The following GPC5 variants were observed in gnomAD, a reference collection of about 807,000 sequenced individuals.
GPC5 encodes the protein glypican 5.
In GPC5, 47 loss-of-function variants were observed where a neutral mutation model predicts 53.9. The ratio of observed to expected loss-of-function variants is 0.87; its 90% CI spans 0.69 to 1.11. The LOEUF is 1.11. GPC5 is among the 50% of genes most tolerant of loss of function. The pLI is 0.00. For missense variants in GPC5, 748 were observed against 713.1 expected (o/e 1.05, Z -0.56); for synonymous variants, 286 against 263.3 (o/e 1.09, Z -0.84).
At position 91,614,351 on chromosome 13, in the gene GPC5, A is replaced by G. The variant is rs2033638955; in HGVS notation, c.326-78836A>G. On this transcript the variant is annotated intron_variant, in intron 2 of 7. Coordinates refer to ENST00000377067, the MANE Select transcript of GPC5 (RefSeq NM_004466.6). ...CAATTTCCTTTTTTATTTTTGAGAC[A>G]AGGTCTCACTCTGTCACCCAGGCTG... is the stretch of plus-strand genomic sequence containing the variant. Among the ~76,000 whole-genome samples the G allele has an allele frequency of 4.6e-5, 7 of 152,094 alleles. No individual in the cohort carries two copies. In the South Asian group the frequency reaches 1.5e-3, roughly 32 times the overall value.
chr13:92,446,748 A>G (rs1009448709), intron 7 of GPC5: 1 of 152,152 alleles, frequency 6.6e-6, no homozygotes, highest in Non-Finnish European at 1.5e-5. Flanking sequence ...ATTCCCACCA[A>G]CAGTGTATGA....
intron 7 of GPC5, among the ~76,000 whole-genome samples, chr13:92,862,163 A>C (rs1216185476): frequency 6.6e-6 from 1 of 152,206 alleles, no homozygotes; most frequent in African/African-American, 2.4e-5. Context: ...CCTTGAGTAA[A>C]TTACTTCTTC....
intron 6 of GPC5, among the ~76,000 whole-genome samples, chr13:92,020,873 T>C (rs2040752149): frequency 6.6e-6 from 1 of 152,152 alleles, no homozygotes; most frequent in African/African-American, 2.4e-5. Context: ...TTCTGTTGCC[T>C]ATGTTTTTGG....
intron 7 of GPC5, among the ~76,000 whole-genome samples, chr13:92,163,370 A>G (rs1159004701): frequency 2.0e-5 from 3 of 150,396 alleles, no homozygotes; most frequent in East Asian, 3.9e-4. Flanking sequence ...CTGATGCAGG[A>G]GAATAGCTTG....
intron 5 of GPC5, among the ~76,000 whole-genome samples, chr13:91,762,621 C>A (rs2037438527): frequency 6.6e-6 from 1 of 150,558 alleles, no homozygotes. Context: ...TCTACCTATC[C>A]AATCAGTTTC....
At chr13:92,374,453 C>A (rs1408614177) in intron 7 of GPC5, among the ~76,000 whole-genome samples, 1 of 152,022 alleles carries the variant, frequency 6.6e-6, no homozygotes, top group South Asian at 2.1e-4. Flanking sequence ...TATATATGCA[C>A]AATTGGCTCT....
At chr13:92,762,672 A>G (rs1265286396) in intron 7 of GPC5, among the ~76,000 whole-genome samples, 2 of 152,076 alleles carry the variant, frequency 1.3e-5, no homozygotes, top group African/African-American at 4.8e-5. Context: ...TTCTTTTTCC[A>G]TCTTTGTCTC....
At chr13:92,156,377 G>A (rs1201319973) in intron 7 of GPC5, among the ~76,000 whole-genome samples, 1 of 152,136 alleles carries the variant, frequency 6.6e-6, no homozygotes, top group African/African-American at 2.4e-5. Flanking sequence ...AATGTTCACA[G>A]TTCTCTGCTG....
chr13:91,964,651 A>G (rs1266060266), intron 6 of GPC5, among the ~76,000 whole-genome samples: 1 of 152,148 alleles, frequency 6.6e-6, no homozygotes, highest in Non-Finnish European at 1.5e-5. Context: ...TTAGCTAGAC[A>G]GAAAAGTTCT....
intron 7 of GPC5, chr13:92,701,578 A>G (rs965921515): frequency 3.3e-5 from 5 of 152,144 alleles, no homozygotes; most frequent in Admixed American, 2.0e-4. Flanking sequence ...GAGTGTATCA[A>G]TCCAGCTGCA....
intron 2 of GPC5, among the ~76,000 whole-genome samples, chr13:91,592,565 C>G (rs548659324): frequency 1.9e-4 from 29 of 152,286 alleles, no homozygotes; most frequent in African/African-American, 6.0e-4. Context: ...CATCTCACCC[C>G]CTTCATGCTC....
intron 7 of GPC5, among the ~76,000 whole-genome samples, chr13:92,587,337 G>A (rs1263346626): frequency 2.0e-5 from 3 of 152,072 alleles, no homozygotes. Flanking sequence ...AAGCTCTGGA[G>A]GTACATGGGA....
intron 7 of GPC5, among the ~76,000 whole-genome samples, chr13:92,857,598 T>C (rs1879042724): frequency 6.6e-6 from 1 of 151,972 alleles, no homozygotes; most frequent in Admixed American, 6.6e-5. Context: ...CCAGAGTCTA[T>C]AAGGAAGTTA....
intron 2 of GPC5, among the ~76,000 whole-genome samples, chr13:91,563,197 T>G (rs2031362381): frequency 6.6e-6 from 1 of 152,156 alleles, no homozygotes; most frequent in Non-Finnish European, 1.5e-5. Context: ...ATATATAATT[T>G]ATTCATGGAG....
intron 7 of GPC5, among the ~76,000 whole-genome samples, chr13:92,724,670 C>T (rs921110995): frequency 1.3e-5 from 2 of 151,396 alleles, no homozygotes; most frequent in African/African-American, 2.4e-5. Context: ...AATTGTCAAA[C>T]TCATAGAAGC....
At chr13:92,458,629 GGAAAAAGAGAGGGA>G (rs920960868) in intron 7 of GPC5, among the ~76,000 whole-genome samples, 1 of 151,798 alleles carries the variant, frequency 6.6e-6, no homozygotes, top group Non-Finnish European at 1.5e-5. Context: ...AGAAAGGGAG[GGAAAAAGAGAGGGA>G]GAAAAAGAGA....
At chr13:92,218,543 T>C (rs1218161598) in intron 7 of GPC5, among the ~76,000 whole-genome samples, 3 of 152,190 alleles carry the variant, frequency 2.0e-5, no homozygotes, top group Non-Finnish European at 2.9e-5. Flanking sequence ...ACCTCCTCTT[T>C]CACCCAGTTC....
At chr13:91,630,975 T>C (rs2034143733) in intron 2 of GPC5, among the ~76,000 whole-genome samples, 1 of 152,168 alleles carries the variant, frequency 6.6e-6, no homozygotes, top group Admixed American at 6.6e-5. Context: ...TTTTAAAAGC[T>C]TACATCTTTT....
chr13:91,745,258 T>TA (rs2037023165), intron 4 of GPC5, among the ~76,000 whole-genome samples: 1 of 152,126 alleles, frequency 6.6e-6, no homozygotes, highest in Non-Finnish European at 1.5e-5. Context: ...GGTGTTTTTT[T>TA]ATGGGGACAT....
Sources: allele counts gnomAD v4.1 joint callset (sites outside exome capture counted in the v4.1 genomes callset), GRCh38; gene constraint gnomAD v4.1.1; transcripts MANE v1.5; gene names NCBI Gene and HGNC (gene_info 2026-07-23, HGNC 2026-07-21).